The following NIN variants were observed in gnomAD, a reference collection of about 807,000 sequenced individuals.
The protein encoded by NIN is glycogen synthase kinase 3 beta-interacting protein.
A neutral mutation model predicts 257.6 loss-of-function variants in NIN; 137 were observed. The observed-to-expected ratio is 0.53, with a 90% CI of 0.46 to 0.61. The LOEUF is 0.61. Ranked by LOEUF, NIN falls within the 20% of genes least tolerant of loss-of-function variation. The probability of loss-of-function intolerance (pLI) is 0.00; values close to 1 mark genes in which losing one functional copy is unlikely to be tolerated. For missense variants in NIN, 2,439 were observed against 2,501.2 expected (o/e 0.98, Z 0.53); for synonymous variants, 918 against 919.8 (o/e 1.00, Z 0.04).
At position 50,721,774 on chromosome 14, in the gene NIN, T is replaced by C; in HGVS notation, c.*1689A>G. ...AAAATTCAAAGGTTTGCTTCATCAG[T>C]GTGAACTCCCAGTCCCACAAAAAAC... On this transcript the variant is annotated 3_prime_UTR_variant, in exon 31 of 31. Coordinates refer to ENST00000530997, the MANE Select transcript of NIN (RefSeq NM_020921.4). The C allele has an allele frequency of 4.5e-6, 1 of 223,710 alleles. No individual in the cohort carries two copies. The highest frequency in any genetic ancestry group is 6.4e-5 in the East Asian group (1 of 15,542). The allele number at this position is 223,710 out of a possible 1,614,324, so 13.9% of individuals were successfully genotyped here.
Position 50,752,875 on chromosome 14 carries a change from A to C in NIN, c.4735-142T>G, listed in dbSNP as rs576675417. 567 of 517,744 alleles carry C rather than the reference A, an allele frequency of 1.1e-3. 3 individuals are homozygous for C. Among genetic ancestry groups the C allele is most frequent in the Middle Eastern group, 4.7e-3 (9 of 1,924 alleles). 32.1% of individuals were successfully genotyped at this position (517,744 alleles called of 1,614,324 possible). On this transcript the variant is annotated intron_variant, in intron 20 of 30. Coordinates refer to ENST00000530997, the MANE Select transcript of NIN (RefSeq NM_020921.4). Reference sequence around the variant, plus strand: ...ATATATATTTCAAAACAGAAATAATACACACTCATTATTACAAATTCATTC... The same window carrying C: ...ATATATATTTCAAAACAGAAATAATCCACACTCATTATTACAAATTCATTC...
intron 3 of NIN, among the ~76,000 whole-genome samples, chr14:50,816,069 C>T (rs2142350232): frequency 6.6e-6 from 1 of 152,236 alleles, no homozygotes; most frequent in Non-Finnish European, 1.5e-5. Flanking sequence ...AGCTGGGAGC[C>T]GTTATCCTCA....
intron 28 of NIN, among the ~76,000 whole-genome samples, chr14:50,731,350 T>C (rs1164726823): frequency 1.3e-5 from 2 of 151,590 alleles, no homozygotes; most frequent in East Asian, 3.9e-4. Flanking sequence ...TCCAACGTGG[T>C]GAAACCCCGT....
chr14:50,777,094 C>G lies in NIN; in HGVS notation c.521G>C (p.Ser174Thr), dbSNP rs749259536. Residue 174 changes from serine (S) to threonine (T), a missense_variant, in exon 7 of 31, where the codon AGT (serine) becomes ACT (threonine). Around this residue, in one of 3 missense-constraint regions of NIN, gnomAD observed 387 missense variants for 427.3 expected, o/e 0.91. Coordinates refer to ENST00000530997, the MANE Select transcript of NIN (RefSeq NM_020921.4). ...CCAGTCTTGGGGAGGGGAAGATCCACTCTGTGAAGCATTCAAGTCATCTGG... is the reference window on the plus strand; with the variant it reads ...CCAGTCTTGGGGAGGGGAAGATCCAGTCTGTGAAGCATTCAAGTCATCTGG... ...WNPDDLNASQ[S>T]GSSPPQDWIE... 11 of 1,613,772 alleles carry G rather than the reference C, an allele frequency of 6.8e-6. No individual in the cohort carries two copies. In the South Asian group the frequency reaches 9.9e-5, roughly 15 times the overall value.
intron 29 of NIN, among the ~76,000 whole-genome samples, chr14:50,728,062 T>C (rs2040499841): frequency 6.6e-6 from 1 of 152,000 alleles, no homozygotes; most frequent in Non-Finnish European, 1.5e-5. Flanking sequence ...GGATTTTTTT[T>C]TTCTTTCAAA....
At chr14:50,799,613 AC>A (rs2043994522) in intron 4 of NIN, among the ~76,000 whole-genome samples, 1 of 152,238 alleles carries the variant, frequency 6.6e-6, no homozygotes, top group African/African-American at 2.4e-5. Context: ...TGAGAGGAAC[AC>A]ACTGATTTTC....
chr14:50,759,023 C>CA (rs1347015973), intron 17 of NIN, among the ~76,000 whole-genome samples: 1 of 152,196 alleles, frequency 6.6e-6, no homozygotes, highest in Non-Finnish European at 1.5e-5. Flanking sequence ...TATAGGATAT[C>CA]AGTCACATAA....
chr14:50,777,396 C>T (rs2042964811), intron 6 of NIN, among the ~76,000 whole-genome samples: 1 of 152,152 alleles, frequency 6.6e-6, no homozygotes, highest in Admixed American at 6.5e-5. Context: ...TGCAATACTG[C>T]AAAGTTCTAG....
intron 5 of NIN, among the ~76,000 whole-genome samples, chr14:50,780,345 G>C (rs1327669766): frequency 1.3e-5 from 2 of 152,190 alleles, no homozygotes; most frequent in Admixed American, 6.5e-5. Flanking sequence ...CGTTTTCTGG[G>C]TAGCTGACCT....
intron 4 of NIN, among the ~76,000 whole-genome samples, chr14:50,797,441 T>G (rs2043890936): frequency 1.3e-5 from 2 of 152,160 alleles, no homozygotes; most frequent in African/African-American, 4.8e-5. Context: ...CAGGAGGCCC[T>G]TCATGTTACA....
At chr14:50,815,282 C>T (rs4508352) in intron 3 of NIN, among the ~76,000 whole-genome samples, 45,107 of 152,002 alleles carry the variant, frequency 0.3, 7,604 homozygotes, top group Non-Finnish European at 0.39. Flanking sequence ...CCAATAAACA[C>T]GAAAAAAAGC....
chr14:50,778,053 G>A (rs965877636), intron 6 of NIN, among the ~76,000 whole-genome samples: 1 of 152,214 alleles, frequency 6.6e-6, no homozygotes, highest in Non-Finnish European at 1.5e-5. Context: ...TGTGAAGTGG[G>A]CTGAGGTTCT....
At chr14:50,799,561 A>G (rs1272205887) in intron 4 of NIN, among the ~76,000 whole-genome samples, 1 of 152,078 alleles carries the variant, frequency 6.6e-6, no homozygotes, top group Non-Finnish European at 1.5e-5. Context: ...TCTTGCCCCA[A>G]TTTTCTCATT....
At chr14:50,741,296 T>C (rs1055079681) in intron 25 of NIN, among the ~76,000 whole-genome samples, 27 of 152,202 alleles carry the variant, frequency 1.8e-4, no homozygotes, top group Non-Finnish European at 2.9e-5. Context: ...TATATCACTA[T>C]GGTTTCATTT....
At chr14:50,728,385 TAAAGTTTATTAGA>T (rs1278481982) in intron 29 of NIN, among the ~76,000 whole-genome samples, 1 of 152,184 alleles carries the variant, frequency 6.6e-6, no homozygotes, top group Non-Finnish European at 1.5e-5. Context: ...AAAAACCTTC[TAAAGTTTATTAGA>T]AATACAGCAT....
chr14:50,815,686 T>C (rs1387947806), intron 3 of NIN, among the ~76,000 whole-genome samples: 2 of 152,256 alleles, frequency 1.3e-5, no homozygotes, highest in South Asian at 2.1e-4. Context: ...GTGGTACATA[T>C]ATACCATGGA....
chr14:50,820,208 T>C (rs1479886792), intron 3 of NIN, among the ~76,000 whole-genome samples: 1 of 152,216 alleles, frequency 6.6e-6, no homozygotes, highest in Non-Finnish European at 1.5e-5. Context: ...ACTTAAGTAT[T>C]CATTATTCAG....
intron 5 of NIN, among the ~76,000 whole-genome samples, chr14:50,790,236 C>T (rs765076990): frequency 1.4e-4 from 22 of 152,024 alleles, no homozygotes; most frequent in Non-Finnish European, 2.5e-4. Flanking sequence ...TTTTGAGTTT[C>T]GTAGAAACAA....
chr14:50,768,483 G>A (rs2042596624), intron 12 of NIN, among the ~76,000 whole-genome samples: 1 of 152,052 alleles, frequency 6.6e-6, no homozygotes, highest in African/African-American at 2.4e-5. Flanking sequence ...GCTATCTCTT[G>A]GCAAGAAAAA....
Sources: allele counts gnomAD v4.1 joint callset (sites outside exome capture counted in the v4.1 genomes callset), GRCh38; gene constraint gnomAD v4.1.1; regional missense constraint gnomAD v4.1.1; transcripts MANE v1.5; gene names NCBI Gene and HGNC (gene_info 2026-07-23, HGNC 2026-07-21).